CELF2: variants seen among roughly 807,000 people sequenced by gnomAD.
CELF2 encodes the protein CUGBP Elav-like family member 2, also known as CUG triplet repeat RNA-binding protein 2.
A neutral mutation model predicts 62.6 loss-of-function variants in CELF2; 8 were observed. The observed-to-expected ratio is 0.13, with a 90% CI of 0.07 to 0.23. CELF2 has a LOEUF of 0.23. CELF2 is among the 10% of genes least tolerant of loss of function. The pLI is 1.00. For synonymous variants in CELF2, 258 were observed against 250.0 expected (o/e 1.03, Z -0.30); for missense variants, 333 against 671.0 (o/e 0.50, Z 5.56).
the CELF2 span, among the ~76,000 whole-genome samples, chr10:10,736,852 G>A: frequency 3.3e-5 from 5 of 152,222 alleles, no homozygotes; most frequent in Admixed American, 1.3e-4. Flanking sequence ...TTTGGATCGT[G>A]ATGATTGGTA....
Position 11,311,775 on chromosome 10 carries a change from C to A in CELF2, c.977-2364C>A, listed in dbSNP as rs74618376. 3.2e-3 allele frequency among the ~76,000 whole-genome samples: 479 copies of A among 151,714 alleles called. No individual in the cohort carries two copies. Among genetic ancestry groups the A allele is most frequent in the African/African-American group, 0.011 (470 of 41,300 alleles). ...ACAGATTTTGGAGATGATGCCCAACCGAGAAACAGAATATGAGAGGTGAAG... is the reference window on the plus strand; with the variant it reads ...ACAGATTTTGGAGATGATGCCCAACAGAGAAACAGAATATGAGAGGTGAAG... On this transcript the variant is annotated intron_variant, in intron 9 of 12. Coordinates refer to ENST00000633077, the MANE Select transcript of CELF2 (RefSeq NM_001326342.2). This position sits in a 1 kb window ranked among gnomAD's most constrained non-coding sequence, Gnocchi z 4.7.
intron 1 of CELF2, among the ~76,000 whole-genome samples, chr10:11,113,264 A>T (rs2055686031): frequency 6.6e-6 from 1 of 152,358 alleles, no homozygotes; most frequent in East Asian, 1.9e-4. Context: ...ATTGTGTTTT[A>T]TTCACTGTTA....
the CELF2 span, among the ~76,000 whole-genome samples, chr10:10,506,811 C>A: frequency 2.0e-5 from 3 of 149,900 alleles, no homozygotes; most frequent in Non-Finnish European, 3.0e-5. Context: ...ATTACAGGCA[C>A]GTACCACCAC....
chr10:10,704,501 C>G, the CELF2 span, among the ~76,000 whole-genome samples: 1 of 152,154 alleles, frequency 6.6e-6, no homozygotes, highest in African/African-American at 2.4e-5. Context: ...AAACATGTTA[C>G]TGCTTTCCAG....
At chr10:10,852,672 T>C (rs7923411) in intron 1 of CELF2, among the ~76,000 whole-genome samples, 97,418 of 152,068 alleles carry the variant, frequency 0.64, 32,957 homozygotes, top group East Asian at 0.97. Flanking sequence ...GTTGTGATAT[T>C]ATACTAGAAC....
intron 1 of CELF2, among the ~76,000 whole-genome samples, chr10:10,827,098 G>GTTGTTTGTTTGT (rs147677000): frequency 2.1e-4 from 31 of 151,210 alleles, no homozygotes; most frequent in Non-Finnish European, 4.0e-4. Context: ...ATCAAAGAGG[G>GTTGTTTGTTTGT]TTGTTTGTTT....
the CELF2 span, among the ~76,000 whole-genome samples, chr10:10,514,838 C>T: frequency 1.2e-4 from 19 of 152,202 alleles, no homozygotes; most frequent in Admixed American, 2.6e-4. Flanking sequence ...AAATCAAGAG[C>T]GTGAGTGTTA....
At chr10:10,776,846 C>T in the CELF2 span, among the ~76,000 whole-genome samples, 1 of 152,222 alleles carries the variant, frequency 6.6e-6, no homozygotes, top group East Asian at 1.9e-4. Flanking sequence ...TCCCCATTGG[C>T]CAGCGGCCAC....
intron 1 of CELF2, among the ~76,000 whole-genome samples, chr10:11,040,525 C>G (rs557952041): frequency 1.3e-5 from 2 of 152,118 alleles, no homozygotes. Context: ...TATGTAGCGA[C>G]GCACTTCCAA....
At chr10:11,057,904 G>T (rs1414754462) in intron 1 of CELF2, among the ~76,000 whole-genome samples, 1 of 152,182 alleles carries the variant, frequency 6.6e-6, no homozygotes. Context: ...TTTAGCAAGA[G>T]AAGTTCTACT....
At chr10:11,123,065 T>C (rs2058066618) in intron 1 of CELF2, among the ~76,000 whole-genome samples, 1 of 151,324 alleles carries the variant, frequency 6.6e-6, no homozygotes, top group Non-Finnish European at 1.5e-5. Context: ...TGTACATCCA[T>C]AGTTTTCCAG....
At chr10:10,776,544 G>A in the CELF2 span, 4 of 154,652 alleles carry the variant, frequency 2.6e-5, no homozygotes, top group South Asian at 2.0e-4. Context: ...ATGAGAACAC[G>A]GAAGAAGGAA....
chr10:10,630,725 G>A, the CELF2 span, among the ~76,000 whole-genome samples: 1 of 152,228 alleles, frequency 6.6e-6, no homozygotes, highest in African/African-American at 2.4e-5. Flanking sequence ...GATGGAATAA[G>A]AGGAGGAATT....
chr10:11,301,913 G>GGCCACAT (rs2093794778), intron 9 of CELF2, among the ~76,000 whole-genome samples: 1 of 152,076 alleles, frequency 6.6e-6, no homozygotes, highest in Non-Finnish European at 1.5e-5. Flanking sequence ...CCTGCACGTG[G>GGCCACAT]GCCTCATGTG....
At position 11,246,496 on chromosome 10, in the gene CELF2, G is replaced by A. The variant is rs1294202273; in HGVS notation, c.355-2657G>A. On this transcript the variant is annotated intron_variant, in intron 3 of 12. Coordinates refer to ENST00000633077, the MANE Select transcript of CELF2 (RefSeq NM_001326342.2). This position sits in a 1 kb window ranked among gnomAD's most constrained non-coding sequence, Gnocchi z 4.6. Reference sequence around the variant, plus strand: ...TCCTCCTTTCCCCTCTACTTCCCATGACCAGTTGTTCACTGCCCCTCCACA... The same window carrying A: ...TCCTCCTTTCCCCTCTACTTCCCATAACCAGTTGTTCACTGCCCCTCCACA... Among the ~76,000 whole-genome samples the A allele has an allele frequency of 1.3e-5, 2 of 152,004 alleles. No individual in the cohort carries two copies. The highest frequency in any genetic ancestry group is 2.4e-5 in the African/African-American group (1 of 41,384).
chr10:10,943,538 G>A (rs1004789622), intron 2 of CELF2, among the ~76,000 whole-genome samples: 2 of 152,196 alleles, frequency 1.3e-5, no homozygotes, highest in Non-Finnish European at 2.9e-5. Flanking sequence ...TGGAGCCTGA[G>A]GCAAAACACT....
chr10:10,614,147 A>G, the CELF2 span, among the ~76,000 whole-genome samples: 14 of 151,570 alleles, frequency 9.2e-5, no homozygotes, highest in African/African-American at 3.2e-4. Flanking sequence ...TTTCTCGAAT[A>G]ATTTGGATTC....
chr10:10,845,217 G>A (rs1017741989), intron 1 of CELF2, among the ~76,000 whole-genome samples: 2 of 151,736 alleles, frequency 1.3e-5, no homozygotes, highest in African/African-American at 4.8e-5. Flanking sequence ...ATTCTTCGAG[G>A]GCCTCAAATG....
chr10:10,563,164 G>T, the CELF2 span, among the ~76,000 whole-genome samples: 1 of 152,114 alleles, frequency 6.6e-6, no homozygotes, highest in African/African-American at 2.4e-5. Flanking sequence ...AGAAAGAAAG[G>T]CTTACCTTCC....
Sources: gnomAD v4.1 joint callset for allele counts (sites outside exome capture counted in the v4.1 genomes callset) on GRCh38, gnomAD v4.1.1 for gene constraint, Gnocchi (gnomAD v3.1) non-coding constraint, MANE v1.5 for transcripts, NCBI Gene and HGNC (gene_info 2026-07-23, HGNC 2026-07-21) for gene names.